SUPT3H: variants seen among roughly 807,000 people sequenced by gnomAD.
SUPT3H encodes the protein transcription initiation protein SPT3 homolog.
A neutral mutation model predicts 44.3 loss-of-function variants in SUPT3H; 44 were observed. The ratio of observed to expected loss-of-function variants is 0.99; its 90% CI spans 0.78 to 1.28. The LOEUF (loss-of-function observed/expected upper bound fraction) is 1.28. Among genes scored for constraint, SUPT3H ranks in the 50% most tolerant of loss-of-function variants. The pLI is 0.00. For synonymous variants in SUPT3H, 124 were observed against 125.6 expected (o/e 0.99, Z 0.09); for missense variants, 380 against 387.1 (o/e 0.98, Z 0.15).
intron 2 of SUPT3H, among the ~76,000 whole-genome samples, chr6:45,292,658 G>T (rs1780494070): frequency 6.6e-6 from 1 of 150,736 alleles, no homozygotes; most frequent in Non-Finnish European, 1.5e-5. Context: ...TATGCAAAAG[G>T]ACACCAAAAG....
chr6:45,359,467 T>C (rs1479759795), intron 2 of SUPT3H, among the ~76,000 whole-genome samples: 1 of 152,122 alleles, frequency 6.6e-6, no homozygotes, highest in Non-Finnish European at 1.5e-5. Flanking sequence ...AAAAAGTAAA[T>C]GGGTAAGTTT....
At chr6:45,035,618 TTTAG>T (rs1368847356) in intron 3 of SUPT3H, among the ~76,000 whole-genome samples, 2 of 152,094 alleles carry the variant, frequency 1.3e-5, no homozygotes, top group Non-Finnish European at 1.5e-5. Flanking sequence ...TAAAAATGTG[TTTAG>T]TTAATGTATT....
intron 5 of SUPT3H, among the ~76,000 whole-genome samples, chr6:45,009,579 C>T (rs1011183248): frequency 3.3e-5 from 5 of 152,128 alleles, no homozygotes; most frequent in Non-Finnish European, 2.9e-5. Flanking sequence ...TATTTTTTCC[C>T]TATCAAATTC....
chr6:44,810,081 T>C (rs1766408107), intron 11 of SUPT3H, among the ~76,000 whole-genome samples: 1 of 152,170 alleles, frequency 6.6e-6, no homozygotes, highest in African/African-American at 2.4e-5. Flanking sequence ...CTTCTGTCCT[T>C]CAGCAGCTCT....
chr6:45,005,685 G>C (rs556690605), intron 5 of SUPT3H, among the ~76,000 whole-genome samples: 4 of 136,286 alleles, frequency 2.9e-5, no homozygotes, highest in African/African-American at 1.1e-4. Context: ...TGGGCAACAA[G>C]TGCAAAACTC....
chr6:45,306,908 G>T (rs921114762), intron 2 of SUPT3H, among the ~76,000 whole-genome samples: 3 of 152,198 alleles, frequency 2.0e-5, no homozygotes, highest in African/African-American at 7.2e-5. Context: ...GGAAAATCAG[G>T]TCACTCCCAC....
intron 2 of SUPT3H, among the ~76,000 whole-genome samples, chr6:45,175,046 AAAATT>A (rs1205402890): frequency 6.6e-6 from 1 of 151,294 alleles, no homozygotes; most frequent in African/African-American, 2.4e-5. Context: ...AAAAATTAAA[AAAATT>A]AAATGTCACT....
At chr6:45,117,005 T>C (rs1476734252) in intron 2 of SUPT3H, among the ~76,000 whole-genome samples, 1 of 152,166 alleles carries the variant, frequency 6.6e-6, no homozygotes, top group African/African-American at 2.4e-5. Flanking sequence ...GTAAATAGCA[T>C]ATCTTTGAAA....
In SUPT3H at chr6:45,181,335, A is replaced by G. The variant is rs200663636; in HGVS notation, c.102-75329T>C. 7.3e-5 allele frequency among the ~76,000 whole-genome samples: 11 copies of G among 151,634 alleles called. No individual in the cohort carries two copies. In the East Asian group the frequency reaches 2.1e-3, roughly 30 times the overall value. The stretch of plus-strand genomic sequence containing the variant: ...ATTCCTCAGGGATCTAGAACTAGGA[A>G]TACCATTTGACCCAGCCATCCCATT... On this transcript the variant is annotated intron_variant, in intron 2 of 10. Coordinates refer to ENST00000371459, the MANE Select transcript of SUPT3H (RefSeq NM_003599.4).
intron 2 of SUPT3H, among the ~76,000 whole-genome samples, chr6:45,173,788 C>A (rs751666835): frequency 6.6e-6 from 1 of 152,234 alleles, no homozygotes; most frequent in African/African-American, 2.4e-5. Context: ...TTCTTTAAGT[C>A]ATGCCAATAG....
At chr6:44,988,035 A>C (rs778515397) in intron 6 of SUPT3H, among the ~76,000 whole-genome samples, 90 of 152,236 alleles carry the variant, frequency 5.9e-4, no homozygotes, top group Non-Finnish European at 1.0e-3. Flanking sequence ...ATTTTTCTCC[A>C]GTTGTGTTCT....
At chr6:45,246,839 T>G (rs943656263) in intron 2 of SUPT3H, among the ~76,000 whole-genome samples, 5 of 152,274 alleles carry the variant, frequency 3.3e-5, no homozygotes, top group Non-Finnish European at 5.9e-5. Context: ...AATGCAGTGC[T>G]AAGAGGAAAA....
At position 45,181,106 on chromosome 6, in the gene SUPT3H, C is replaced by G. The variant is rs540982554; in HGVS notation, c.102-75100G>C. Reference sequence around the variant, plus strand: ...AAGACATTTATGCAGCCAAGAAACACATGAAAAAATGCTCACCATCGCTGG... The same window carrying G: ...AAGACATTTATGCAGCCAAGAAACAGATGAAAAAATGCTCACCATCGCTGG... On this transcript the variant is annotated intron_variant, in intron 2 of 10. Transcript: ENST00000371459. 3.3e-5 allele frequency among the ~76,000 whole-genome samples: 5 copies of G among 150,868 alleles called. No individual in the cohort carries two copies. The East Asian group carries it at 9.8e-4, about 30-fold the overall frequency.
At chr6:45,236,371 G>A (rs778321837) in intron 2 of SUPT3H, among the ~76,000 whole-genome samples, 6 of 152,142 alleles carry the variant, frequency 3.9e-5, no homozygotes, top group Non-Finnish European at 8.8e-5. Flanking sequence ...GAGCTCAGAA[G>A]CATCAGGGTA....
intron 2 of SUPT3H, among the ~76,000 whole-genome samples, chr6:45,338,724 T>A (rs949224302): frequency 3.9e-5 from 6 of 152,152 alleles, no homozygotes; most frequent in African/African-American, 1.2e-4. Flanking sequence ...TCAATTTTTT[T>A]ATAAAACATC....
chr6:45,219,618 T>C (rs987800918), intron 2 of SUPT3H, among the ~76,000 whole-genome samples: 1 of 152,178 alleles, frequency 6.6e-6, no homozygotes, highest in African/African-American at 2.4e-5. Flanking sequence ...TATAACAATG[T>C]TAAAAATTGA....
chr6:45,354,584 G>C (rs1199492119), intron 2 of SUPT3H, among the ~76,000 whole-genome samples: 1 of 151,436 alleles, frequency 6.6e-6, no homozygotes, highest in Non-Finnish European at 1.5e-5. Context: ...TGCATTTAAG[G>C]CTTCCTGATT....
chr6:44,940,633 T>C (rs1414627955), intron 9 of SUPT3H, among the ~76,000 whole-genome samples: 1 of 152,116 alleles, frequency 6.6e-6, no homozygotes, highest in Non-Finnish European at 1.5e-5. Flanking sequence ...CAACAGGGTG[T>C]TGAAGTTGTC....
Position 44,834,880 on chromosome 6 carries a change from G to C in SUPT3H, c.913-5023C>G, listed in dbSNP as rs554383068. The stretch of plus-strand genomic sequence containing the variant: ...GTGGAGTTGGCGGAGGGGCGGTTAG[G>C]GGAGGGGGAAGGAAGGAACACAACT... On this transcript the variant is annotated intron_variant, in intron 10 of 10. Coordinates refer to ENST00000371459, the MANE Select transcript of SUPT3H (RefSeq NM_003599.4). Among the ~76,000 whole-genome samples, 6 of 152,194 alleles carry C rather than the reference G, an allele frequency of 3.9e-5. No homozygotes were observed. In the East Asian group the frequency reaches 1.2e-3, roughly 29 times the overall value.
Sources: allele counts gnomAD v4.1 joint callset (sites outside exome capture counted in the v4.1 genomes callset), GRCh38; gene constraint gnomAD v4.1.1; transcripts MANE v1.5; gene names NCBI Gene and HGNC (gene_info 2026-07-23, HGNC 2026-07-21).